The following RBBP6 variants were observed in gnomAD, a reference collection of about 807,000 sequenced individuals.
RBBP6 encodes the protein E3 ubiquitin-protein ligase RBBP6.
A neutral mutation model predicts 167.7 loss-of-function variants in RBBP6; 25 were observed. The ratio of observed to expected loss-of-function variants is 0.15; its 90% CI spans 0.11 to 0.21. The LOEUF (loss-of-function observed/expected upper bound fraction) is 0.21. RBBP6 is among the 10% of genes least tolerant of loss of function. The pLI is 1.00. For synonymous variants in RBBP6, 789 were observed against 735.8 expected (o/e 1.07, Z -1.17); for missense variants, 1,868 against 2,134.2 (o/e 0.88, Z 2.46).
chr16:24,562,526 A>G lies in RBBP6; in HGVS notation c.1289+365A>G, dbSNP rs143782640. Among the ~76,000 whole-genome samples, 353 of 152,312 alleles carry G rather than the reference A, an allele frequency of 2.3e-3. 5 individuals are homozygous for G. Among genetic ancestry groups the G allele is most frequent in the African/African-American group, 8.2e-3 (341 of 41,570 alleles). On this transcript the variant is annotated intron_variant, in intron 10 of 17. Transcript: ENST00000319715. ...GAGTAGAACTAAGAACAGTTTAGAT[A>G]GGTAGAGAAGAGGGGGTAAAAACAC...
At chr16:24,543,565 A>G (rs949289686) in intron 1 of RBBP6, among the ~76,000 whole-genome samples, 1 of 151,940 alleles carries the variant, frequency 6.6e-6, no homozygotes, top group Non-Finnish European at 1.5e-5. Flanking sequence ...GGCCATCCCA[A>G]AGTGCTGGGA....
At chr16:24,563,859 T>A (rs911073649) in intron 13 of RBBP6, among the ~76,000 whole-genome samples, 195 bp downstream of exon 13, 3 of 151,938 alleles carry the variant, frequency 2.0e-5, no homozygotes, top group African/African-American at 7.3e-5. Flanking sequence ...GGGTTTTTTT[T>A]AAATGAGCAA....
In RBBP6 at chr16:24,561,657, C is replaced by T. The variant is rs768654242; in HGVS notation, c.893C>T (p.Thr298Met). 88 of 1,613,916 alleles carry T rather than the reference C, an allele frequency of 5.5e-5. No individual in the cohort carries two copies. The highest frequency in any genetic ancestry group is 7.3e-5 in the Non-Finnish European group (86 of 1,179,994). ...LLESDEHTCP[T>M]CHQNDVSPDA... ...GAATCAGATGAGCACACATGTCCGACGTGTCATCAAAATGATGTTTCTCCT... is the reference window on the plus strand; with the variant it reads ...GAATCAGATGAGCACACATGTCCGATGTGTCATCAAAATGATGTTTCTCCT... Residue 298 changes from threonine to methionine, a missense_variant, in exon 9 of 18, where the codon ACG becomes ATG. This residue lies in a region of RBBP6 where 11 missense variants were observed against 69.7 expected (regional missense o/e 0.16). Coordinates refer to ENST00000319715, the MANE Select transcript of RBBP6 (RefSeq NM_006910.5).
intron 3 of RBBP6, among the ~76,000 whole-genome samples, chr16:24,550,265 T>A (rs1898763716): frequency 6.6e-6 from 1 of 151,856 alleles, no homozygotes; most frequent in African/African-American, 2.4e-5. Context: ...GTATATGGCC[T>A]TTAGTTCTTG....
chr16:24,540,306 C>A lies in RBBP6; in HGVS notation c.-321C>A, dbSNP rs1163594247. 2.0e-5 allele frequency: 5 copies of A among 247,988 alleles called. No individual in the cohort carries two copies. Among genetic ancestry groups the A allele is most frequent in the Non-Finnish European group, 4.0e-5 (5 of 125,688 alleles). The allele number at this position is 247,988 out of a possible 1,614,324, so 15.4% of individuals were successfully genotyped here. ...GCTACTGACTGCACCGCCAATCCCC[C>A]CGTCTCTGCCGGCCCCTTAGCATGA... On this transcript the variant is annotated 5_prime_UTR_variant, in exon 1 of 18. Coordinates refer to ENST00000319715, the MANE Select transcript of RBBP6 (RefSeq NM_006910.5).
intron 1 of RBBP6, among the ~76,000 whole-genome samples, chr16:24,543,543 T>G (rs1274821685): frequency 6.6e-6 from 1 of 152,112 alleles, no homozygotes; most frequent in Admixed American, 6.6e-5. Flanking sequence ...TTCTCCTGCC[T>G]TGGCCTCCCA....
chr16:24,558,384 CTTTTTT>C (rs199519899), intron 7 of RBBP6: 17 of 533,580 alleles, frequency 3.2e-5, no homozygotes, highest in Non-Finnish European at 4.0e-5. Context: ...CTCTTTTTTT[CTTTTTT>C]TTTTTTTTCT....
chr16:24,567,727 A>G, intron 15 of RBBP6, 65 bp from the exon 16 acceptor site: 3 of 1,405,230 alleles, frequency 2.1e-6, no homozygotes, highest in East Asian at 4.6e-5. Context: ...ATCTAATTAC[A>G]TTTGTCTTGT....
chr16:24,563,396 T>A, intron 11 of RBBP6, 27 bp from the exon 12 acceptor site: 1 of 1,561,790 alleles, frequency 6.4e-7, no homozygotes, highest in South Asian at 1.2e-5. Context: ...TTTAACTATT[T>A]CTGTTTATTT....
rs965857051 is a variant in RBBP6 at position 24,540,696 on chromosome 16, A to C, written c.70A>C (p.Ile24Leu). The part of the protein sequence containing the change: ...YDTVTFDGLH[I>L]SLCDLKKQIM... The stretch of plus-strand genomic sequence containing the variant: ...TACCGTCACCTTTGATGGGCTCCAC[A>C]TCTCCCTCTGCGACTTAAAGAAGCA... The change falls in exon 1 of 18, where the codon ATC becomes CTC. Residue 24 changes from isoleucine to leucine, a missense_variant. Ile to Leu is a conservative substitution (Grantham distance 5). Around this residue, in one of 7 missense-constraint regions of RBBP6, gnomAD observed 184 missense variants for 327.7 expected, o/e 0.56. Transcript: ENST00000319715. 2 of 1,614,100 alleles carry C rather than the reference A, an allele frequency of 1.2e-6. No individual in the cohort carries two copies. Among genetic ancestry groups the C allele is most frequent in the Non-Finnish European group, 8.5e-7 (1 of 1,180,012 alleles).
At chr16:24,561,563 C>CT (rs34473709) in intron 8 of RBBP6, 49 bp from the exon 9 acceptor site, 4 of 1,477,186 alleles carry the variant, frequency 2.7e-6, no homozygotes, top group African/African-American at 1.4e-5. Context: ...TTCGTAAACA[C>CT]TTTGAGTTCC....
In RBBP6 at chr16:24,561,877, G is replaced by T. The variant is rs758032653; in HGVS notation, c.1005G>T (p.Gln335His). ...GCTATACAAAAAGACTACGAAAACAGTTACCTCCTCCACCACCCCCAATAC... is the reference window on the plus strand; with the variant it reads ...GCTATACAAAAAGACTACGAAAACATTTACCTCCTCCACCACCCCCAATAC... ...ETGYTKRLRK[Q>H]LPPPPPPIPP... Residue 335 changes from glutamine (Q) to histidine (H), a missense_variant, in exon 10 of 18, where the codon CAG becomes CAT. This residue lies in a region of RBBP6 where 245 missense variants were observed against 240.1 expected (regional missense o/e 1.02). Transcript: ENST00000319715. The T allele has an allele frequency of 2.5e-6, 4 of 1,613,660 alleles. No homozygotes were observed. Among genetic ancestry groups the T allele is most frequent in the Non-Finnish European group, 3.4e-6 (4 of 1,179,840 alleles).
At chr16:24,556,889 T>C (rs182194863) in intron 7 of RBBP6, among the ~76,000 whole-genome samples, 1 of 152,256 alleles carries the variant, frequency 6.6e-6, no homozygotes, top group African/African-American at 2.4e-5. Context: ...CTGAAGTAGC[T>C]TGAATAAGTT....
chr16:24,561,180 A>G (rs1425279154), intron 8 of RBBP6, among the ~76,000 whole-genome samples: 3 of 152,084 alleles, frequency 2.0e-5, no homozygotes, highest in Non-Finnish European at 4.4e-5. Flanking sequence ...GTTTTCTACA[A>G]TATTCCAGTT....
chr16:24,570,522 T>TGTG (rs1567281413), intron 17 of RBBP6, 23 bp downstream of exon 17: 1 of 1,520,062 alleles, frequency 6.6e-7, no homozygotes, highest in East Asian at 2.3e-5. Flanking sequence ...AGGGGGTGGG[T>TGTG]GTGGAACTTT....
chr16:24,559,484 C>T (rs757469000), intron 7 of RBBP6, 21 bp from the exon 8 acceptor site: 50 of 1,572,656 alleles, frequency 3.2e-5, no homozygotes, highest in Non-Finnish European at 4.1e-5. Flanking sequence ...AATGGTAAAA[C>T]ATGAAAACTT....
chr16:24,564,083 A>T (rs1567278060), intron 13 of RBBP6, among the ~76,000 whole-genome samples: 3 of 152,130 alleles, frequency 2.0e-5, no homozygotes. Flanking sequence ...ACATAATAAG[A>T]TTAACGTCTA....
At chr16:24,567,069 A>C in intron 14 of RBBP6, 74 bp from the exon 15 acceptor site, 2 of 1,442,784 alleles carry the variant, frequency 1.4e-6, no homozygotes, top group Admixed American at 2.0e-5. Flanking sequence ...ATAATTATGG[A>C]TAGAAGAGAT....
rs151263776 is a variant in RBBP6, at chr16:24,548,273, C to T, written c.267-672C>T. Reference sequence around the variant, plus strand: ...TAAGTCAGTTCTTTTAACTAAAATACTCTGATTATATTGTGTTTTTCTGGG... The same window carrying T: ...TAAGTCAGTTCTTTTAACTAAAATATTCTGATTATATTGTGTTTTTCTGGG... On this transcript the variant is annotated intron_variant, in intron 2 of 17. Coordinates refer to ENST00000319715, the MANE Select transcript of RBBP6 (RefSeq NM_006910.5). 4.5e-3 allele frequency among the ~76,000 whole-genome samples: 675 copies of T among 150,728 alleles called. 5 individuals are homozygous for T. The highest frequency in any genetic ancestry group is 0.011 in the Middle Eastern group (3 of 282).
Sources: allele counts gnomAD v4.1 joint callset (sites outside exome capture counted in the v4.1 genomes callset), GRCh38; gene constraint gnomAD v4.1.1; regional missense constraint gnomAD v4.1.1; transcripts MANE v1.5; gene names NCBI Gene and HGNC (gene_info 2026-07-23, HGNC 2026-07-21).